The following COMMD10 variants were observed in gnomAD, a reference collection of about 807,000 sequenced individuals.
COMMD10 encodes COMM domain-containing protein 10.
In COMMD10, 33 loss-of-function variants were observed where a neutral mutation model predicts 28.9. That is an observed-to-expected ratio of 1.14 (90% confidence interval 0.87 to 1.53). COMMD10 has a LOEUF of 1.53. Ranked by LOEUF, COMMD10 falls within the 40% of genes most tolerant of loss-of-function variation. The pLI is 0.00. For missense variants in COMMD10, 310 were observed against 233.4 expected, an observed-to-expected ratio of 1.33 and a Z score of -2.14; for synonymous variants, 110 against 81.7, an observed-to-expected ratio of 1.35 and a Z score of -1.87.
intron 4 of COMMD10, among the ~76,000 whole-genome samples, chr5:116,114,185 A>T (rs773641879): frequency 3.9e-5 from 6 of 152,076 alleles, no homozygotes; most frequent in Non-Finnish European, 7.4e-5. Flanking sequence ...TTGTCTAAGC[A>T]GGTCTATATC....
chr5:116,263,645 C>A (rs1399033863), intron 5 of COMMD10, among the ~76,000 whole-genome samples: 1 of 151,636 alleles, frequency 6.6e-6, no homozygotes, highest in Admixed American at 6.6e-5. Context: ...TCTCCACAAT[C>A]GTTTTTCTTA....
At chr5:116,259,124 G>A (rs1434774684) in intron 5 of COMMD10, among the ~76,000 whole-genome samples, 3 of 140,046 alleles carry the variant, frequency 2.1e-5, no homozygotes, top group South Asian at 2.2e-4. Context: ...ATGCAGTGAT[G>A]CAATCTTGGC....
intron 1 of COMMD10, 101 bp downstream of exon 1, chr5:116,085,194 G>T (rs1029086054): frequency 6.2e-5 from 65 of 1,049,134 alleles, no homozygotes; most frequent in Admixed American, 1.1e-4. Flanking sequence ...GCGCCGCGGC[G>T]GGCCCGGTTG....
chr5:116,107,023 A>G (rs565080712), intron 4 of COMMD10, among the ~76,000 whole-genome samples: 7 of 152,226 alleles, frequency 4.6e-5, no homozygotes, highest in East Asian at 1.9e-4. Context: ...TGTCATTATG[A>G]TGGTAGCTGG....
chr5:116,120,202 G>A lies in COMMD10; in HGVS notation c.400-13866G>A, dbSNP rs189111838. ...AAGGAATGAAGTAGCGTTTTTTGCA[G>A]CAACTTGGGTGACACTGGAGGCCAG... is the stretch of plus-strand genomic sequence containing the variant. On this transcript the variant is annotated intron_variant, in intron 4 of 6. Transcript: ENST00000274458. Among the ~76,000 whole-genome samples the A allele has an allele frequency of 5.9e-5, 9 of 152,168 alleles. No homozygotes were observed. In the East Asian group the frequency reaches 1.5e-3, roughly 26 times the overall value.
At chr5:116,166,078 G>C (rs1296480975) in intron 5 of COMMD10, among the ~76,000 whole-genome samples, 1 of 152,072 alleles carries the variant, frequency 6.6e-6, no homozygotes, top group Admixed American at 6.6e-5. Flanking sequence ...GACATTCTAT[G>C]GCCGAAAGAG....
At chr5:116,181,807 A>G (rs1354033072) in intron 5 of COMMD10, among the ~76,000 whole-genome samples, 3 of 152,072 alleles carry the variant, frequency 2.0e-5, no homozygotes, top group Non-Finnish European at 4.4e-5. Context: ...GTAGGATATT[A>G]TAAAATTGGC....
chr5:116,183,630 T>G (rs1263701863), intron 5 of COMMD10, among the ~76,000 whole-genome samples: 1 of 152,126 alleles, frequency 6.6e-6, no homozygotes, highest in East Asian at 1.9e-4. Flanking sequence ...TTTAAAGAAA[T>G]AGACCATTTC....
At position 116,278,819 on chromosome 5, in the gene COMMD10, T is replaced by C. The variant is rs534693040; in HGVS notation, c.511-12698T>C. 1.7e-3 allele frequency among the ~76,000 whole-genome samples: 260 copies of C among 151,920 alleles called. 4 individuals are homozygous for C. Among genetic ancestry groups the C allele is most frequent in the African/African-American group, 5.9e-3 (245 of 41,288 alleles). On this transcript the variant is annotated intron_variant, in intron 5 of 6. Coordinates refer to ENST00000274458, the MANE Select transcript of COMMD10 (RefSeq NM_016144.4). Reference sequence around the variant, plus strand: ...CTTTTTAAGCTAACTACAGAATAAATACTTAGAGTGTAATTACTATTTAGC... The same window carrying C: ...CTTTTTAAGCTAACTACAGAATAAACACTTAGAGTGTAATTACTATTTAGC...
At chr5:116,152,850 C>T (rs566015627) in intron 5 of COMMD10, among the ~76,000 whole-genome samples, 2 of 152,122 alleles carry the variant, frequency 1.3e-5, no homozygotes, top group East Asian at 1.9e-4. Flanking sequence ...TAAGCATAAA[C>T]TTTAAGTAGT....
chr5:116,113,802 C>A (rs1751138318), intron 4 of COMMD10, among the ~76,000 whole-genome samples: 2 of 152,012 alleles, frequency 1.3e-5, no homozygotes, highest in South Asian at 4.2e-4. Context: ...TTTGGTTCTG[C>A]TCTATTGTTG....
At chr5:116,215,206 A>T (rs73780896) in intron 5 of COMMD10, among the ~76,000 whole-genome samples, 48,413 of 151,526 alleles carry the variant, frequency 0.32, 10,897 homozygotes, top group African/African-American at 0.65. Context: ...CAAATGGGTA[A>T]AAAATTTGGG....
intron 5 of COMMD10, among the ~76,000 whole-genome samples, chr5:116,212,871 G>A (rs1007497262): frequency 6.6e-6 from 1 of 151,834 alleles, no homozygotes; most frequent in Admixed American, 6.6e-5. Flanking sequence ...CTTGTTCTGG[G>A]GTATCCATAA....
chr5:116,156,342 A>G (rs1020147042), intron 5 of COMMD10, among the ~76,000 whole-genome samples: 1 of 152,164 alleles, frequency 6.6e-6, no homozygotes, highest in Non-Finnish European at 1.5e-5. Flanking sequence ...TTCTGATCTG[A>G]AAATTGGAAC....
intron 5 of COMMD10, among the ~76,000 whole-genome samples, chr5:116,287,570 C>T (rs1247439780): frequency 6.6e-6 from 1 of 151,688 alleles, no homozygotes; most frequent in East Asian, 1.9e-4. Context: ...AATCTGTTTA[C>T]ATTTAAAATA....
intron 5 of COMMD10, among the ~76,000 whole-genome samples, chr5:116,233,961 T>A (rs1257426274): frequency 2.0e-5 from 3 of 152,026 alleles, no homozygotes; most frequent in African/African-American, 7.3e-5. Context: ...ACTGGAAAGG[T>A]GAAGTTTTTA....
chr5:116,188,779 C>A (rs941854983), intron 5 of COMMD10, among the ~76,000 whole-genome samples: 2 of 152,008 alleles, frequency 1.3e-5, no homozygotes, highest in African/African-American at 4.8e-5. Flanking sequence ...CAGGTGCACA[C>A]CACCACACTT....
chr5:116,235,351 T>C (rs1749632831), intron 5 of COMMD10, among the ~76,000 whole-genome samples: 1 of 152,212 alleles, frequency 6.6e-6, no homozygotes, highest in Non-Finnish European at 1.5e-5. Flanking sequence ...CTTGTTACAT[T>C]TCGAGTTCCA....
Position 116,171,822 on chromosome 5 carries a change from C to T in COMMD10, c.510+37644C>T, listed in dbSNP as rs181524677. On this transcript the variant is annotated intron_variant, in intron 5 of 6. Transcript: ENST00000274458. ...GGAGGGGAACATCACACACTGGGGC[C>T]TGTCACGGGTGTGGGGCTAGGGGAG... Among the ~76,000 whole-genome samples, 763 of 130,372 alleles carry T rather than the reference C, an allele frequency of 5.9e-3. 6 individuals carry two copies. The highest frequency in any genetic ancestry group is 0.029 in the African/African-American group (734 of 25,016). 85.5% of individuals were successfully genotyped at this position (130,372 alleles called of 152,430 possible). A position where few individuals can be genotyped will look rare whatever the true frequency, so the allele number is the denominator to read the frequency against.
Sources: allele counts gnomAD v4.1 joint callset (sites outside exome capture counted in the v4.1 genomes callset), GRCh38; gene constraint gnomAD v4.1.1; transcripts MANE v1.5; gene names NCBI Gene and HGNC (gene_info 2026-07-23, HGNC 2026-07-21).